RALYL: variants seen among roughly 807,000 people sequenced by gnomAD.
The protein encoded by RALYL is RALY RNA binding protein like, also known as RNA-binding Raly-like protein.
A neutral mutation model predicts 35.1 loss-of-function variants in RALYL; 29 were observed. That is an observed-to-expected ratio of 0.83 (90% confidence interval 0.61 to 1.13). The LOEUF (loss-of-function observed/expected upper bound fraction) is 1.13, where lower values mean the gene tolerates loss of function less well. Ranked by LOEUF, RALYL falls within the 50% of genes most tolerant of loss-of-function variation. The pLI is 0.00. For missense variants in RALYL, 359 were observed against 360.4 expected (o/e 1.00, Z 0.03); for synonymous variants, 120 against 127.6 (o/e 0.94, Z 0.40).
chr8:84,826,373 A>G (rs913117273), intron 4 of RALYL, among the ~76,000 whole-genome samples: 2 of 151,960 alleles, frequency 1.3e-5, no homozygotes, highest in African/African-American at 2.4e-5. Context: ...TATTGGAAGG[A>G]AAATTAATGT....
intron 2 of RALYL, among the ~76,000 whole-genome samples, chr8:84,704,380 G>T (rs545504690): frequency 6.6e-6 from 1 of 151,464 alleles, no homozygotes; most frequent in Admixed American, 6.6e-5. Context: ...AGCCTAGATC[G>T]CACAACTGTA....
intron 2 of RALYL, among the ~76,000 whole-genome samples, chr8:84,602,612 T>C (rs111538558): frequency 8.5e-5 from 13 of 152,272 alleles, no homozygotes; most frequent in African/African-American, 2.9e-4. Context: ...TGCAAACGTT[T>C]AGCATGGCAT....
chr8:84,526,730 A>T (rs1289839909), intron 1 of RALYL, among the ~76,000 whole-genome samples: 1 of 152,118 alleles, frequency 6.6e-6, no homozygotes, highest in Non-Finnish European at 1.5e-5. Context: ...TCCTCAACTC[A>T]GTAGGGTCAC....
At position 84,458,126 on chromosome 8, in the gene RALYL, C is replaced by A. The variant is rs949812970; in HGVS notation, c.-23-71173C>A. Reference sequence around the variant, plus strand: ...ACATCATGTTGACCTCAACTTAATTCTTTCATTTGTCAGGAAATAAAATTT... The same window carrying A: ...ACATCATGTTGACCTCAACTTAATTATTTCATTTGTCAGGAAATAAAATTT... On this transcript the variant is annotated intron_variant, in intron 1 of 8. Coordinates refer to ENST00000521268, the MANE Select transcript of RALYL (RefSeq NM_173848.7). Among the ~76,000 whole-genome samples the A allele has an allele frequency of 4.6e-5, 7 of 151,802 alleles. No individual in the cohort carries two copies. The East Asian group carries it at 9.7e-4, about 21-fold the overall frequency.
chr8:84,497,577 A>T (rs965154985), intron 1 of RALYL, among the ~76,000 whole-genome samples: 1 of 151,906 alleles, frequency 6.6e-6, no homozygotes, highest in Non-Finnish European at 1.5e-5. Context: ...TTTTTCATAC[A>T]CACAATTTCA....
At chr8:84,553,444 A>T (rs574924864) in intron 2 of RALYL, among the ~76,000 whole-genome samples, 2 of 152,316 alleles carry the variant, frequency 1.3e-5, no homozygotes, top group South Asian at 4.1e-4. Context: ...GGTGTGAGCC[A>T]CTGTCCCCAG....
chr8:84,654,273 A>ATATATGTG (rs1278001528), intron 2 of RALYL, among the ~76,000 whole-genome samples: 2 of 41,804 alleles, frequency 4.8e-5, no homozygotes, highest in Non-Finnish European at 8.9e-5. Context: ...CATGTTCCAT[A>ATATATGTG]TATATATATA....
chr8:84,354,428 C>G (rs1851463287), intron 1 of RALYL, among the ~76,000 whole-genome samples: 1 of 150,264 alleles, frequency 6.7e-6, no homozygotes, highest in African/African-American at 2.5e-5. Context: ...CCATACACCA[C>G]AAAGTAAAAC....
At chr8:84,540,060 A>G (rs1287901050) in intron 2 of RALYL, among the ~76,000 whole-genome samples, 1 of 151,554 alleles carries the variant, frequency 6.6e-6, no homozygotes, top group Non-Finnish European at 1.5e-5. Flanking sequence ...TTCCCGGTCT[A>G]TTTATTGATG....
At chr8:84,813,809 A>C (rs1826468831) in intron 4 of RALYL, among the ~76,000 whole-genome samples, 2 of 152,240 alleles carry the variant, frequency 1.3e-5, no homozygotes, top group Admixed American at 1.3e-4. Flanking sequence ...CACAACGTGC[A>C]GGTTTGTTAC....
chr8:84,754,699 AG>A (rs1270123236), intron 2 of RALYL, among the ~76,000 whole-genome samples: 3 of 144,372 alleles, frequency 2.1e-5, no homozygotes, highest in Non-Finnish European at 3.1e-5. Context: ...TGCTCTCAAA[AG>A]GCAACTTTTC....
chr8:84,839,633 C>G (rs1314518601), intron 4 of RALYL, among the ~76,000 whole-genome samples: 1 of 152,242 alleles, frequency 6.6e-6, no homozygotes, highest in Non-Finnish European at 1.5e-5. Context: ...GTTCTCCCAG[C>G]ACGCAGCTGG....
intron 8 of RALYL, among the ~76,000 whole-genome samples, chr8:84,910,716 T>C (rs1847371454): frequency 1.3e-5 from 2 of 152,142 alleles, no homozygotes; most frequent in Admixed American, 1.3e-4. Flanking sequence ...CTTACCTGTG[T>C]GCCAGAGAAT....
At chr8:84,705,899 A>G in intron 2 of RALYL, 3 of 1,476,184 alleles carry the variant, frequency 2.0e-6, no homozygotes, top group Non-Finnish European at 2.7e-6. Flanking sequence ...CCTGGCTTTC[A>G]CTGTGTGATT....
chr8:84,286,793 A>G (rs1018514998), intron 1 of RALYL, among the ~76,000 whole-genome samples: 2 of 152,132 alleles, frequency 1.3e-5, no homozygotes, highest in Non-Finnish European at 2.9e-5. Flanking sequence ...ACAGAAAAAA[A>G]TGTTAGTTCT....
In RALYL at chr8:84,791,629, C is replaced by G. The variant is rs373870706; in HGVS notation, c.333-13141C>G. ...GGCAGGAGATGGTGATGTGGTTAAA[C>G]GGTAGCAACTGAGATGTCAAATAAA... is the stretch of plus-strand genomic sequence containing the variant. On this transcript the variant is annotated intron_variant, in intron 3 of 8. Coordinates refer to ENST00000521268, the MANE Select transcript of RALYL (RefSeq NM_173848.7). Among the ~76,000 whole-genome samples, 89 of 151,990 alleles carry G rather than the reference C, an allele frequency of 5.9e-4. 2 individuals carry two copies. The highest frequency in any genetic ancestry group is 1.3e-4 in the Non-Finnish European group (9 of 68,002).
intron 2 of RALYL, among the ~76,000 whole-genome samples, chr8:84,621,066 A>C (rs958795529): frequency 6.6e-6 from 1 of 152,192 alleles, no homozygotes; most frequent in African/African-American, 2.4e-5. Context: ...CTGCCCCCAG[A>C]GGTGGAGCCT....
chr8:84,447,986 G>C (rs138144472), intron 1 of RALYL, among the ~76,000 whole-genome samples: 284 of 152,090 alleles, frequency 1.9e-3, no homozygotes, highest in African/African-American at 6.7e-3. Context: ...CAGAGAGAGC[G>C]AGAGTGAGGA....
In RALYL at chr8:84,490,078, C is replaced by CGTGTGTGT. The variant is rs749952859; in HGVS notation, c.-23-39221_-23-39220insGTGTGTGT. On this transcript the variant is annotated intron_variant, in intron 1 of 8. Coordinates refer to ENST00000521268, the MANE Select transcript of RALYL (RefSeq NM_173848.7). ...TAGTGGAAGTCAGAGTGCTTGCGTGCATGTGTGTGTGTGTGTGTGTGTGTG... is the reference window on the plus strand; with the variant it reads ...TAGTGGAAGTCAGAGTGCTTGCGTGCGTGTGTGTATGTGTGTGTGTGTGTGTGTGTGTG... Among the ~76,000 whole-genome samples the CGTGTGTGT allele has an allele frequency of 2.0e-3, 183 of 91,926 alleles. 1 individual carries two copies. Among genetic ancestry groups the CGTGTGTGT allele is most frequent in the Middle Eastern group, 9.9e-3 (2 of 202 alleles). The allele number at this position is 91,926 out of a possible 152,430, so 60.3% of individuals were successfully genotyped here. A position where few individuals can be genotyped will look rare whatever the true frequency, so the allele number is the denominator to read the frequency against.
Sources: gnomAD v4.1 joint callset for allele counts (sites outside exome capture counted in the v4.1 genomes callset) on GRCh38, gnomAD v4.1.1 for gene constraint, MANE v1.5 for transcripts, NCBI Gene and HGNC (gene_info 2026-07-23, HGNC 2026-07-21) for gene names.